Variants in FZR1 observed in about 807,000 individuals in gnomAD.
FZR1 encodes fizzy-related protein homolog.
FZR1 carries 11 observed loss-of-function variants against 63.6 expected under a neutral mutation model. The ratio of observed to expected loss-of-function variants is 0.17; its 90% CI spans 0.11 to 0.29. FZR1 has a LOEUF of 0.29. Ranked by LOEUF, FZR1 falls within the 10% of genes least tolerant of loss-of-function variation. The probability of loss-of-function intolerance (pLI) is 1.00; values close to 1 mark genes in which losing one functional copy is unlikely to be tolerated. For synonymous variants in FZR1, 328 were observed against 297.9 expected (o/e 1.10, Z -1.04); for missense variants, 440 against 687.5 (o/e 0.64, Z 4.03).
rs1042897593 is a variant in FZR1, at chr19:3,526,607, C to T, written c.387+221C>T. ...TGGGATGTGGGGGTGCGGGAGGAAT[C>T]CAGGCTCAGCCTGTTGGGCTTTTTC... On this transcript the variant is annotated intron_variant, in intron 5 of 13. Coordinates refer to ENST00000441788, the MANE Select transcript of FZR1 (RefSeq NM_016263.4). The surrounding 1 kb of genome is among the most constrained non-coding windows in gnomAD (Gnocchi z 5.4). 3.0e-4 allele frequency among the ~76,000 whole-genome samples: 45 copies of T among 152,322 alleles called. No homozygotes were observed. The highest frequency in any genetic ancestry group is 1.0e-3 in the African/African-American group (43 of 41,578).
At chr19:3,524,781 C>T (rs1340778096) in intron 2 of FZR1, among the ~76,000 whole-genome samples, 2 of 152,210 alleles carry the variant, frequency 1.3e-5, no homozygotes, top group Non-Finnish European at 2.9e-5. Flanking sequence ...GACCACGTCC[C>T]TCTGGCCTCT....
chr19:3,526,097 C>G lies in FZR1; in HGVS notation c.196-23C>G. 6.2e-7 allele frequency: 1 copy of G among 1,612,508 alleles called. No individual in the cohort carries two copies. Among genetic ancestry groups the G allele is most frequent in the Admixed American group, 1.7e-5 (1 of 60,020 alleles). On this transcript the variant is annotated intron_variant, in intron 3 of 13. Coordinates refer to ENST00000441788, the MANE Select transcript of FZR1 (RefSeq NM_016263.4). This position sits in a 1 kb window ranked among gnomAD's most constrained non-coding sequence, Gnocchi z 5.4. ...GAACAAGCGGGCTCCTCGACCCCTC[C>G]CTCTCTGCTCTCCTGCCTGCAGGAG...
chr19:3,532,947 G>T (rs1303495627), intron 11 of FZR1, among the ~76,000 whole-genome samples: 1 of 152,068 alleles, frequency 6.6e-6, no homozygotes, highest in Non-Finnish European at 1.5e-5. Context: ...GGGAGGCCCA[G>T]GATGAAGCGG....
At chr19:3,506,927 G>A (rs764294387) in intron 1 of FZR1, among the ~76,000 whole-genome samples, 5 of 152,056 alleles carry the variant, frequency 3.3e-5, no homozygotes, top group Non-Finnish European at 7.4e-5. Context: ...TCCCAGCTTG[G>A]GTCCTGCCCA....
chr19:3,506,780 T>A (rs542959254), intron 1 of FZR1, among the ~76,000 whole-genome samples: 1 of 152,038 alleles, frequency 6.6e-6, no homozygotes, highest in South Asian at 2.1e-4. Flanking sequence ...GCGTCCACCA[T>A]TCTTTTTAAA....
intron 1 of FZR1, among the ~76,000 whole-genome samples, chr19:3,508,910 C>T (rs777712234): frequency 6.6e-6 from 1 of 152,212 alleles, no homozygotes; most frequent in Non-Finnish European, 1.5e-5. Context: ...AGTGTGCCTG[C>T]CTGGTCCCCG....
At chr19:3,517,481 G>T (rs921049806) in intron 1 of FZR1, among the ~76,000 whole-genome samples, 36 of 152,126 alleles carry the variant, frequency 2.4e-4, no homozygotes, top group African/African-American at 8.5e-4. Flanking sequence ...GAGGTCAGGA[G>T]TTCAAGACTA....
At chr19:3,520,610 C>T (rs1443043673) in intron 1 of FZR1, among the ~76,000 whole-genome samples, 2 of 152,254 alleles carry the variant, frequency 1.3e-5, no homozygotes, top group African/African-American at 2.4e-5. Context: ...CAGAGCCTGA[C>T]TGGCCCCATG....
At position 3,530,419 on chromosome 19, in the gene FZR1, A is replaced by G. The variant is rs1238738014; in HGVS notation, c.655-373A>G. Among the ~76,000 whole-genome samples the G allele has an allele frequency of 4.0e-5, 3 of 75,908 alleles. 1 individual carries two copies. The highest frequency in any genetic ancestry group is 1.1e-4 in the African/African-American group (3 of 28,526). 49.8% of individuals were successfully genotyped at this position (75,908 alleles called of 152,430 possible). ...GAGCGGATGGGAGAGCGCATGGGAG[A>G]GCGCATGGGAGAGCGGATGGGAGAG... On this transcript the variant is annotated intron_variant, in intron 7 of 13. Coordinates refer to ENST00000441788, the MANE Select transcript of FZR1 (RefSeq NM_016263.4).
intron 1 of FZR1, among the ~76,000 whole-genome samples, chr19:3,512,311 A>G (rs2083029775): frequency 6.6e-6 from 1 of 152,144 alleles, no homozygotes; most frequent in Non-Finnish European, 1.5e-5. Flanking sequence ...GCTCTCACCA[A>G]GCATCTTCTC....
intron 7 of FZR1, among the ~76,000 whole-genome samples, chr19:3,529,421 TG>T (rs1332663227): frequency 1.4e-5 from 1 of 69,210 alleles, no homozygotes; most frequent in Non-Finnish European, 2.8e-5. Flanking sequence ...GATGGGAGAG[TG>T]GATGAGAGTG....
At chr19:3,529,312 G>T (rs1165904645) in intron 7 of FZR1, among the ~76,000 whole-genome samples, 2 of 151,104 alleles carry the variant, frequency 1.3e-5, no homozygotes, top group Admixed American at 1.3e-4. Flanking sequence ...GTGGATGGGA[G>T]AGCGGATGGG....
Position 3,533,672 on chromosome 19 carries a change from G to A in FZR1, c.1347+274G>A. 2.3e-6 allele frequency: 1 copy of A among 428,110 alleles called. No individual in the cohort carries two copies. The highest frequency in any genetic ancestry group is 4.3e-6 in the Non-Finnish European group (1 of 234,968). The allele number at this position is 428,110 out of a possible 1,614,324, so 26.5% of individuals were successfully genotyped here. On this transcript the variant is annotated intron_variant, in intron 12 of 13. Coordinates refer to ENST00000441788, the MANE Select transcript of FZR1 (RefSeq NM_016263.4). The surrounding 1 kb of genome is among the most constrained non-coding windows in gnomAD (Gnocchi z 4.9). ...TTGTTTATTTTCCCCATAAAGAGGG[G>A]TGAAGAGGAAAGCCAAAACCAACTC...
At position 3,529,107 on chromosome 19, in the gene FZR1, T is replaced by C. The variant is rs1217026258; in HGVS notation, c.654+1293T>C. 1.4e-4 allele frequency among the ~76,000 whole-genome samples: 10 copies of C among 69,784 alleles called. No homozygotes were observed. The South Asian group carries it at 2.6e-3, about 18-fold the overall frequency. The allele number at this position is 69,784 out of a possible 152,430, so 45.8% of individuals were successfully genotyped here. On this transcript the variant is annotated intron_variant, in intron 7 of 13. Coordinates refer to ENST00000441788, the MANE Select transcript of FZR1 (RefSeq NM_016263.4). ...ATGGGAGAGCAGACGGTTGAGCGGA[T>C]GGGAGAGCGGATGGGAGAGCGGATG...
Position 3,530,208 on chromosome 19 carries a change from A to G in FZR1, c.655-584A>G, listed in dbSNP as rs1226102568. On this transcript the variant is annotated intron_variant, in intron 7 of 13. Coordinates refer to ENST00000441788, the MANE Select transcript of FZR1 (RefSeq NM_016263.4). ...TGGATGGTTGAGCGGATGGGAGAGC[A>G]GATGGGAGAGTGGATGGGTGAGCGG... 3.1e-3 allele frequency among the ~76,000 whole-genome samples: 178 copies of G among 56,804 alleles called. 4 individuals carry two copies. The highest frequency in any genetic ancestry group is 4.4e-3 in the African/African-American group (58 of 13,246). The allele number at this position is 56,804 out of a possible 152,430, so 37.3% of individuals were successfully genotyped here.
chr19:3,507,275 C>T lies in FZR1; in HGVS notation c.-35+801C>T, dbSNP rs535055656. On this transcript the variant is annotated intron_variant, in intron 1 of 13. Coordinates refer to ENST00000441788, the MANE Select transcript of FZR1 (RefSeq NM_016263.4). ...ACTGAACCTCCGTCCTGCGTCCTGC[C>T]CCGTGTCTTCTCCAAACGCAAGCCT... Among the ~76,000 whole-genome samples the T allele has an allele frequency of 2.6e-5, 4 of 151,836 alleles. No individual in the cohort carries two copies. The South Asian group carries it at 8.3e-4, about 32-fold the overall frequency.
intron 1 of FZR1, among the ~76,000 whole-genome samples, chr19:3,520,644 G>T (rs1260244813): frequency 6.6e-6 from 1 of 152,244 alleles, no homozygotes; most frequent in African/African-American, 2.4e-5. Context: ...GACCACATGC[G>T]TCCCTTGACT....
rs1207308236 is a variant in FZR1, at chr19:3,533,351, A to G, written c.1300A>G (p.Thr434Ala). The change falls in exon 12 of 14, where the codon ACC becomes GCC. Residue 434 changes from threonine (T) to alanine (A), a missense_variant. Coordinates refer to ENST00000441788, the MANE Select transcript of FZR1 (RefSeq NM_016263.4). This position sits in a 1 kb window ranked among gnomAD's most constrained non-coding sequence, Gnocchi z 4.9. The stretch of plus-strand genomic sequence containing the variant: ...CCTTGTCTGGAAGTACCCCTCCCTG[A>G]CCCAGGTGGCCAAGCTGACCGGGCA... Reference protein sequence around the residue: ...QILVWKYPSLTQVAKLTGHSY... With the variant: ...QILVWKYPSLAQVAKLTGHSY... 1 of 1,613,056 alleles carries G rather than the reference A, an allele frequency of 6.2e-7. No individual in the cohort carries two copies. Among genetic ancestry groups the G allele is most frequent in the Non-Finnish European group, 8.5e-7 (1 of 1,179,830 alleles).
chr19:3,508,352 C>G (rs1166017862), intron 1 of FZR1, among the ~76,000 whole-genome samples: 1 of 151,950 alleles, frequency 6.6e-6, no homozygotes, highest in Non-Finnish European at 1.5e-5. Context: ...GTGCGCACCA[C>G]GCCCGGCTAT....
Sources: allele counts gnomAD v4.1 joint callset (sites outside exome capture counted in the v4.1 genomes callset), GRCh38; gene constraint gnomAD v4.1.1; non-coding constraint Gnocchi (gnomAD v3.1); transcripts MANE v1.5; gene names NCBI Gene and HGNC (gene_info 2026-07-23, HGNC 2026-07-21).